Variants in UNC5D observed in about 807,000 individuals in gnomAD.
The protein encoded by UNC5D is unc-5 netrin receptor D.
A neutral mutation model predicts 105.4 loss-of-function variants in UNC5D; 39 were observed. The ratio of observed to expected loss-of-function variants is 0.37; its 90% CI spans 0.29 to 0.48. The LOEUF is 0.48. Among genes scored for constraint, UNC5D ranks in the 20% least tolerant of loss-of-function variants. The pLI is 0.98. For synonymous variants in UNC5D, 452 were observed against 450.4 expected, an observed-to-expected ratio of 1.00 and a Z score of -0.04; for missense variants, 991 against 1,202.4, an observed-to-expected ratio of 0.82 and a Z score of 2.60.
intron 1 of UNC5D, among the ~76,000 whole-genome samples, chr8:35,466,931 T>C (rs1809347010): frequency 6.6e-6 from 1 of 152,112 alleles, no homozygotes; most frequent in Admixed American, 6.6e-5. Flanking sequence ...CTGCAAGAAG[T>C]GAGGAGAAAA....
intron 1 of UNC5D, among the ~76,000 whole-genome samples, chr8:35,323,165 GT>G (rs1809876370): frequency 7.8e-6 from 1 of 128,916 alleles, no homozygotes; most frequent in Non-Finnish European, 1.7e-5. Flanking sequence ...ATGTTTTACT[GT>G]TTTTTTCTAA....
chr8:35,454,276 A>G (rs1585879332), intron 1 of UNC5D, among the ~76,000 whole-genome samples: 2 of 152,328 alleles, frequency 1.3e-5, no homozygotes, highest in South Asian at 4.1e-4. Context: ...ATACCAGAAG[A>G]GAACCATCCA....
At chr8:35,497,581 G>A (rs1365140896) in intron 1 of UNC5D, among the ~76,000 whole-genome samples, 2 of 151,896 alleles carry the variant, frequency 1.3e-5, no homozygotes, top group Non-Finnish European at 2.9e-5. Context: ...TGTCAAGTGT[G>A]AGATGTCTTT....
At chr8:35,356,319 A>G (rs1452647979) in intron 1 of UNC5D, among the ~76,000 whole-genome samples, 1 of 152,006 alleles carries the variant, frequency 6.6e-6, no homozygotes, top group Non-Finnish European at 1.5e-5. Context: ...TACTCCCTTT[A>G]CTACTACAGT....
intron 1 of UNC5D, among the ~76,000 whole-genome samples, chr8:35,303,134 C>T (rs780541635): frequency 3.1e-4 from 47 of 151,772 alleles, no homozygotes; most frequent in Non-Finnish European, 5.6e-4. Context: ...TTTTAATATA[C>T]TAAGTCTTTG....
intron 16 of UNC5D, among the ~76,000 whole-genome samples, chr8:35,781,097 G>A (rs1802482613): frequency 6.6e-6 from 1 of 151,972 alleles, no homozygotes; most frequent in South Asian, 2.1e-4. Flanking sequence ...GGTTTTTTTG[G>A]TTCTGGTCCA....
intron 15 of UNC5D, among the ~76,000 whole-genome samples, chr8:35,771,999 A>T (rs2131731202): frequency 6.6e-6 from 1 of 152,060 alleles, no homozygotes; most frequent in Admixed American, 6.5e-5. Context: ...AAGTGTTGAG[A>T]TTTACTCCAA....
At chr8:35,713,904 T>C (rs1174691131) in intron 8 of UNC5D, among the ~76,000 whole-genome samples, 1 of 152,122 alleles carries the variant, frequency 6.6e-6, no homozygotes, top group Admixed American at 6.5e-5. Flanking sequence ...TGAACTGTAG[T>C]GTGAGCAGAA....
At chr8:35,236,093 G>A (rs1022686178) in intron 1 of UNC5D, among the ~76,000 whole-genome samples, 5 of 152,170 alleles carry the variant, frequency 3.3e-5, no homozygotes, top group Non-Finnish European at 7.4e-5. Context: ...AATCCTACAG[G>A]TGGCTGTGAC....
chr8:35,789,137 C>CCATATATATA, intron 16 of UNC5D, among the ~76,000 whole-genome samples: 1 of 32,466 alleles, frequency 3.1e-5, no homozygotes, highest in East Asian at 1.5e-3. Flanking sequence ...GGAGAAAAGA[C>CCATATATATA]TATATATATA....
intron 4 of UNC5D, among the ~76,000 whole-genome samples, chr8:35,655,029 G>A (rs1415276765): frequency 6.6e-6 from 1 of 152,106 alleles, no homozygotes; most frequent in African/African-American, 2.4e-5. Context: ...GAAATAAGTG[G>A]CCTTGGACAA....
intron 11 of UNC5D, among the ~76,000 whole-genome samples, chr8:35,736,720 G>C (rs939358355): frequency 6.6e-6 from 1 of 152,192 alleles, no homozygotes; most frequent in Non-Finnish European, 1.5e-5. Context: ...AAGAGTAAAA[G>C]GGGTTTCTCT....
intron 1 of UNC5D, among the ~76,000 whole-genome samples, chr8:35,388,815 G>A (rs1475194326): frequency 6.6e-6 from 1 of 152,142 alleles, no homozygotes; most frequent in African/African-American, 2.4e-5. Flanking sequence ...ATTGAATTAA[G>A]AAGGACTGAT....
At chr8:35,704,018 C>T (rs1027696321) in intron 7 of UNC5D, among the ~76,000 whole-genome samples, 1 of 152,124 alleles carries the variant, frequency 6.6e-6, no homozygotes, top group African/African-American at 2.4e-5. Context: ...CACATCTGTT[C>T]AGTAAGGGAA....
rs373759766 is a variant in UNC5D, at chr8:35,442,904, TCACACACA to T, written c.104-106363_104-106356del. 9.9e-3 allele frequency among the ~76,000 whole-genome samples: 1,393 copies of T among 141,344 alleles called. 19 individuals are homozygous for T. Among genetic ancestry groups the T allele is most frequent in the African/African-American group, 0.035 (1,275 of 36,920 alleles). The allele number at this position is 141,344 out of a possible 152,430, so 92.7% of individuals were successfully genotyped here. On this transcript the variant is annotated intron_variant, in intron 1 of 16. Coordinates refer to ENST00000404895, the MANE Select transcript of UNC5D (RefSeq NM_080872.4). ...CTCTGTTTCTCTCTCTCTCTCTCTC[TCACACACA>T]CACACACACACACACACACACACAA...
intron 4 of UNC5D, among the ~76,000 whole-genome samples, chr8:35,647,145 A>G (rs1187532576): frequency 2.0e-5 from 3 of 152,184 alleles, no homozygotes; most frequent in Non-Finnish European, 2.9e-5. Context: ...TCTTTGAAAG[A>G]AACTGTTTAT....
intron 1 of UNC5D, among the ~76,000 whole-genome samples, chr8:35,382,590 G>A (rs1249942595): frequency 3.9e-5 from 6 of 152,116 alleles, no homozygotes; most frequent in African/African-American, 1.4e-4. Flanking sequence ...TTTATCTTTT[G>A]TGTTGTCTTG....
chr8:35,790,594 C>A lies in UNC5D; in HGVS notation c.*31C>A. Reference sequence around the variant, plus strand: ...TTCCTCCCATGAGACAGAGTGATGGCCAGCTTGGGGACATTTGCTTTAAAT... The same window carrying A: ...TTCCTCCCATGAGACAGAGTGATGGACAGCTTGGGGACATTTGCTTTAAAT... On this transcript the variant is annotated 3_prime_UTR_variant, in exon 17 of 17. Transcript: ENST00000404895. 1 of 1,610,976 alleles carries A rather than the reference C, an allele frequency of 6.2e-7. No individual in the cohort carries two copies. Among genetic ancestry groups the A allele is most frequent in the Admixed American group, 1.7e-5 (1 of 59,838 alleles).
Position 35,771,889 on chromosome 8 carries a change from G to A in UNC5D, c.2479-2410G>A, listed in dbSNP as rs558755445. ...ACAAACTACCTGGGTGAATTTTTCC[G>A]GGTTTCATAACTTCTGTGGAGTCTA... On this transcript the variant is annotated intron_variant, in intron 15 of 16. Coordinates refer to ENST00000404895, the MANE Select transcript of UNC5D (RefSeq NM_080872.4). 3.3e-5 allele frequency among the ~76,000 whole-genome samples: 5 copies of A among 152,210 alleles called. No homozygotes were observed. The South Asian group carries it at 6.2e-4, about 19-fold the overall frequency.
Sources: allele counts gnomAD v4.1 joint callset (sites outside exome capture counted in the v4.1 genomes callset), GRCh38; gene constraint gnomAD v4.1.1; transcripts MANE v1.5; gene names NCBI Gene and HGNC (gene_info 2026-07-23, HGNC 2026-07-21).